CCDC178: variants seen among roughly 807,000 people sequenced by gnomAD.
The protein encoded by CCDC178 is coiled-coil domain containing 178, also known as coiled-coil domain-containing protein 178.
A neutral mutation model predicts 117.4 loss-of-function variants in CCDC178; 126 were observed. The ratio of observed to expected loss-of-function variants is 1.07; its 90% CI spans 0.93 to 1.24. The LOEUF (loss-of-function observed/expected upper bound fraction) is 1.24, where lower values mean the gene tolerates loss of function less well. Ranked by LOEUF, CCDC178 falls within the 50% of genes most tolerant of loss-of-function variation. The pLI, the probability that CCDC178 is intolerant of heterozygous loss-of-function variation, is 0.00. For missense variants in CCDC178, 1,030 were observed against 986.9 expected, an observed-to-expected ratio of 1.04 and a Z score of -0.59; for synonymous variants, 283 against 313.4, an observed-to-expected ratio of 0.90 and a Z score of 1.02.
chr18:32,958,283 C>A, intron 22 of CCDC178: 1 of 434,220 alleles, frequency 2.3e-6, no homozygotes. Flanking sequence ...GCAAAAAATG[C>A]TCTTGCAAGT....
At chr18:32,994,894 T>C (rs903223775) in intron 21 of CCDC178, among the ~76,000 whole-genome samples, 2 of 152,184 alleles carry the variant, frequency 1.3e-5, no homozygotes, top group Non-Finnish European at 2.9e-5. Flanking sequence ...GATTAGAATA[T>C]CAGCAGTATT....
intron 21 of CCDC178, among the ~76,000 whole-genome samples, chr18:32,991,064 G>T (rs563753104): frequency 4.7e-4 from 71 of 151,500 alleles, no homozygotes; most frequent in Admixed American, 1.5e-3. Context: ...TATATGCCAG[G>T]CATGGTGCAA....
At chr18:33,175,883 A>T (rs2058659048) in intron 20 of CCDC178, among the ~76,000 whole-genome samples, 1 of 152,078 alleles carries the variant, frequency 6.6e-6, no homozygotes, top group Non-Finnish European at 1.5e-5. Context: ...CCATCCAAAA[A>T]TGTCTATTGC....
At chr18:33,149,278 T>TACTA (rs1263885809) in intron 20 of CCDC178, among the ~76,000 whole-genome samples, 1 of 152,212 alleles carries the variant, frequency 6.6e-6, no homozygotes. Context: ...AATGGTTAAA[T>TACTA]ACTAACTGAC....
At chr18:33,108,726 A>T (rs796849633) in intron 20 of CCDC178, among the ~76,000 whole-genome samples, 8 of 151,852 alleles carry the variant, frequency 5.3e-5, no homozygotes, top group African/African-American at 1.7e-4. Flanking sequence ...TCTGTTAGGT[A>T]CAAAAGTCTC....
At chr18:32,950,252 AC>A (rs1218551213) in intron 22 of CCDC178, among the ~76,000 whole-genome samples, 1 of 151,816 alleles carries the variant, frequency 6.6e-6, no homozygotes. Flanking sequence ...TTCTCCTTGA[AC>A]CCTTAGCTCC....
At chr18:33,014,325 A>C (rs1422980941) in intron 21 of CCDC178, among the ~76,000 whole-genome samples, 1 of 152,222 alleles carries the variant, frequency 6.6e-6, no homozygotes, top group Non-Finnish European at 1.5e-5. Flanking sequence ...GCATGCTTAG[A>C]GCGTTTGTTT....
chr18:33,262,150 A>G (rs187801668), intron 14 of CCDC178, among the ~76,000 whole-genome samples: 1 of 152,200 alleles, frequency 6.6e-6, no homozygotes, highest in African/African-American at 2.4e-5. Context: ...TTTTTCCACA[A>G]AAGTTCTATC....
At chr18:32,950,438 T>C (rs2054454737) in intron 22 of CCDC178, among the ~76,000 whole-genome samples, 2 of 152,212 alleles carry the variant, frequency 1.3e-5, no homozygotes, top group Non-Finnish European at 2.9e-5. Flanking sequence ...TTGAAAACTA[T>C]TGTTCCATAT....
chr18:33,138,174 T>C (rs2058152648), intron 20 of CCDC178, among the ~76,000 whole-genome samples: 2 of 152,230 alleles, frequency 1.3e-5, no homozygotes, highest in Non-Finnish European at 2.9e-5. Context: ...TTATGCTCTG[T>C]TATGCTAGCA....
intron 3 of CCDC178, among the ~76,000 whole-genome samples, chr18:33,399,192 T>C (rs1303055118): frequency 6.7e-6 from 1 of 149,406 alleles, no homozygotes; most frequent in Non-Finnish European, 1.5e-5. Flanking sequence ...AGAGCAAGAC[T>C]GTCTTAAAAA....
At chr18:33,198,983 G>C (rs1192771879) in intron 20 of CCDC178, among the ~76,000 whole-genome samples, 1 of 151,874 alleles carries the variant, frequency 6.6e-6, no homozygotes. Context: ...ATTTAATGTA[G>C]CAGGAACTCA....
At chr18:33,041,434 ATATGT>A (rs140647927) in intron 21 of CCDC178, among the ~76,000 whole-genome samples, 3,013 of 150,196 alleles carry the variant, frequency 0.02, 43 homozygotes, top group African/African-American at 0.045. Context: ...AATGTATAAT[ATATGT>A]TATATTAGAA....
chr18:33,207,967 G>A lies in CCDC178; in HGVS notation c.2238+3929C>T, dbSNP rs186195438. 7.8e-4 allele frequency among the ~76,000 whole-genome samples: 118 copies of A among 152,080 alleles called. 1 individual carries two copies. The highest frequency in any genetic ancestry group is 3.4e-3 in the Middle Eastern group (1 of 294). ...CTACCCTCTCCTGTTAAGTACTTGT[G>A]ATCATTGAAGCACCGGATCTGCGCA... On this transcript the variant is annotated intron_variant, in intron 20 of 22. Transcript: ENST00000383096.
intron 22 of CCDC178, among the ~76,000 whole-genome samples, chr18:32,963,154 G>A (rs553723643): frequency 6.6e-6 from 1 of 152,168 alleles, no homozygotes; most frequent in African/African-American, 2.4e-5. Flanking sequence ...GATGAGCATG[G>A]AGGACGAAGT....
intron 2 of CCDC178, among the ~76,000 whole-genome samples, chr18:33,415,085 A>G (rs1384192374): frequency 6.6e-6 from 1 of 152,202 alleles, no homozygotes; most frequent in African/African-American, 2.4e-5. Flanking sequence ...AAATAGGAAC[A>G]CTTTTACACT....
intron 21 of CCDC178, among the ~76,000 whole-genome samples, chr18:33,022,539 T>A (rs751870274): frequency 2.6e-5 from 4 of 152,148 alleles, no homozygotes; most frequent in African/African-American, 4.8e-5. Context: ...AGTTATGTAT[T>A]TAAAATGTAA....
chr18:33,196,129 T>C (rs1322571866), intron 20 of CCDC178, among the ~76,000 whole-genome samples: 1 of 152,176 alleles, frequency 6.6e-6, no homozygotes, highest in Non-Finnish European at 1.5e-5. Flanking sequence ...GCAATTACTT[T>C]TATCAGTAAC....
intron 2 of CCDC178, among the ~76,000 whole-genome samples, chr18:33,431,885 T>C (rs1044443984): frequency 6.6e-6 from 1 of 152,226 alleles, no homozygotes; most frequent in Non-Finnish European, 1.5e-5. Flanking sequence ...CAGTCTGAAA[T>C]CTCTTTGATC....
Sources: gnomAD v4.1 joint callset for allele counts (sites outside exome capture counted in the v4.1 genomes callset) on GRCh38, gnomAD v4.1.1 for gene constraint, MANE v1.5 for transcripts, NCBI Gene and HGNC (gene_info 2026-07-23, HGNC 2026-07-21) for gene names.